Variants in MAPT observed in about 807,000 individuals in gnomAD.
MAPT encodes the protein microtubule associated protein tau.
In MAPT, 34 loss-of-function variants were observed where a neutral mutation model predicts 67.9. The ratio of observed to expected loss-of-function variants is 0.50; its 90% CI spans 0.38 to 0.67. The LOEUF (loss-of-function observed/expected upper bound fraction) is 0.67, where lower values mean the gene tolerates loss of function less well. Among genes scored for constraint, MAPT ranks in the 30% least tolerant of loss-of-function variants. MAPT has a pLI of 0.00. For synonymous variants in MAPT, 456 were observed against 464.5 expected (o/e 0.98, Z 0.23); for missense variants, 881 against 1,115.2 (o/e 0.79, Z 2.99).
intron 2 of MAPT, among the ~76,000 whole-genome samples, chr17:45,966,503 C>G (rs2071095561): frequency 6.6e-6 from 1 of 152,084 alleles, no homozygotes. Context: ...GTGGGAGAAT[C>G]ATCTGAGCCC....
Position 45,958,378 on chromosome 17 carries a change from C to T in MAPT, c.-17-3943C>T, listed in dbSNP as rs567409025. The stretch of plus-strand genomic sequence containing the variant: ...TTAATGTTATTCATAAATTAAGAGC[C>T]CACACAAGTCATTAGAATAAGCACT... On this transcript the variant is annotated intron_variant, in intron 1 of 12. Transcript: ENST00000262410. Among the ~76,000 whole-genome samples the T allele has an allele frequency of 6.6e-5, 10 of 152,182 alleles. No individual in the cohort carries two copies. The South Asian group carries it at 2.1e-3, about 32-fold the overall frequency.
intron 3 of MAPT, 37 bp from the exon 4 acceptor site, chr17:45,978,338 G>T (rs1306562575): frequency 6.5e-7 from 1 of 1,545,576 alleles, no homozygotes; most frequent in Non-Finnish European, 8.9e-7. Context: ...TAACTGTCTT[G>T]CTTTTACCCC....
intron 8 of MAPT, among the ~76,000 whole-genome samples, chr17:45,992,038 G>A (rs1029821731): frequency 5.9e-5 from 9 of 151,828 alleles, no homozygotes; most frequent in Middle Eastern, 3.2e-3. Context: ...CACCTGCCTC[G>A]GCCTCCCAAA....
At chr17:45,908,042 G>C (rs2064452526) in intron 1 of MAPT, 1 of 152,242 alleles carries the variant, frequency 6.6e-6, no homozygotes, top group Non-Finnish European at 1.5e-5. Flanking sequence ...TTAGTGCTAA[G>C]GACTGGAGAA....
intron 11 of MAPT, among the ~76,000 whole-genome samples, chr17:46,016,528 T>C (rs972172516): frequency 2.0e-5 from 3 of 152,274 alleles, no homozygotes; most frequent in Middle Eastern, 3.4e-3. Context: ...TCGCAGCACT[T>C]TGGGAGGCCA....
chr17:45,907,380 G>A (rs997342390), intron 1 of MAPT, among the ~76,000 whole-genome samples: 1 of 152,136 alleles, frequency 6.6e-6, no homozygotes, highest in African/African-American at 2.4e-5. Flanking sequence ...TGGCAGCGCC[G>A]TGCTCCCCAG....
At chr17:45,908,540 CT>C (rs1482934475) in intron 1 of MAPT, among the ~76,000 whole-genome samples, 3 of 152,206 alleles carry the variant, frequency 2.0e-5, no homozygotes, top group African/African-American at 7.2e-5. Flanking sequence ...CCTGATCCCC[CT>C]TCCTCAAAAA....
intron 2 of MAPT, among the ~76,000 whole-genome samples, chr17:45,965,549 A>G (rs140453090): frequency 0.019 from 2,925 of 150,706 alleles, 100 homozygotes; most frequent in African/African-American, 0.067. Context: ...CCAAGTAGCT[A>G]GGATTACAGG....
chr17:45,933,412 G>A (rs1454775332), intron 1 of MAPT, among the ~76,000 whole-genome samples: 2 of 151,116 alleles, frequency 1.3e-5, no homozygotes, highest in African/African-American at 4.9e-5. Flanking sequence ...CTAAGTTTTT[G>A]TATTTTTAGT....
chr17:45,999,660 AG>A, intron 9 of MAPT: 1 of 1,600,832 alleles, frequency 6.2e-7, no homozygotes, highest in African/African-American at 1.3e-5. Context: ...CCTCATGCCA[AG>A]TGTAGAAAGG....
At chr17:45,958,649 A>G (rs2145238269) in intron 1 of MAPT, among the ~76,000 whole-genome samples, 2 of 151,444 alleles carry the variant, frequency 1.3e-5, no homozygotes, top group Admixed American at 1.3e-4. Flanking sequence ...TGAGCCCGGG[A>G]GGTAGAGTCT....
chr17:45,974,021 C>T, intron 3 of MAPT: 1 of 303,214 alleles, frequency 3.3e-6, no homozygotes, highest in South Asian at 3.5e-5. Context: ...ACCCCAGAGT[C>T]CCTGTGCTGT....
intron 2 of MAPT, among the ~76,000 whole-genome samples, chr17:45,962,995 G>C (rs1376193262): frequency 6.6e-6 from 1 of 152,188 alleles, no homozygotes; most frequent in Non-Finnish European, 1.5e-5. Context: ...TGTAGGGACA[G>C]AGATTTTAGG....
Position 46,010,335 on chromosome 17 carries a change from A to C in MAPT, c.2024A>C (p.Asp675Ala). The C allele has an allele frequency of 6.3e-7, 1 of 1,579,444 alleles. No homozygotes were observed. The highest frequency in any genetic ancestry group is 8.6e-7 in the Non-Finnish European group (1 of 1,161,678). Reference protein sequence around the residue: ...GKVQIINKKLDLSNVQSKCGS... With the variant: ...GKVQIINKKLALSNVQSKCGS... Reference sequence around the variant, plus strand: ...GTGCAGATAATTAATAAGAAGCTGGATCTTAGCAACGTCCAGTCCAAGTGT... The same window carrying C: ...GTGCAGATAATTAATAAGAAGCTGGCTCTTAGCAACGTCCAGTCCAAGTGT... The change falls in exon 10 of 13, where the codon GAT (aspartate) becomes GCT (alanine). Residue 675 changes from aspartate to alanine, a missense_variant. By Grantham distance (126) the Asp-to-Ala change is moderately radical. Transcript: ENST00000262410. The surrounding 1 kb of genome is among the most constrained non-coding windows in gnomAD (Gnocchi z 4.7).
chr17:45,947,929 C>G (rs1219466419), intron 1 of MAPT, among the ~76,000 whole-genome samples: 1 of 152,080 alleles, frequency 6.6e-6, no homozygotes, highest in Non-Finnish European at 1.5e-5. Flanking sequence ...AAAAATGGAT[C>G]CCACCCTTCC....
intron 12 of MAPT, among the ~76,000 whole-genome samples, chr17:46,020,684 A>C (rs1326001157): frequency 6.6e-6 from 1 of 152,180 alleles, no homozygotes; most frequent in East Asian, 1.9e-4. Context: ...GAGCTTGTGC[A>C]GGGGAACTCC....
chr17:45,902,112 TCG>T (rs1397403475), intron 1 of MAPT, among the ~76,000 whole-genome samples: 1 of 152,154 alleles, frequency 6.6e-6, no homozygotes, highest in Non-Finnish European at 1.5e-5. Flanking sequence ...TCTCGCTCTA[TCG>T]CCCAGGCTTA....
At chr17:46,008,540 G>A (rs1003943196) in intron 9 of MAPT, among the ~76,000 whole-genome samples, 1 of 152,032 alleles carries the variant, frequency 6.6e-6, no homozygotes, top group Non-Finnish European at 1.5e-5. Flanking sequence ...GTAAGAAAAC[G>A]GTTTTTGCTT....
At chr17:45,969,744 A>T (rs118190448) in intron 2 of MAPT, among the ~76,000 whole-genome samples, 3 of 151,470 alleles carry the variant, frequency 2.0e-5, no homozygotes, top group African/African-American at 4.9e-5. Context: ...ATACATCTGC[A>T]CATCACCAGC....
Sources: gnomAD v4.1 joint callset for allele counts (sites outside exome capture counted in the v4.1 genomes callset) on GRCh38, gnomAD v4.1.1 for gene constraint, Gnocchi (gnomAD v3.1) non-coding constraint, MANE v1.5 for transcripts, NCBI Gene and HGNC (gene_info 2026-07-23, HGNC 2026-07-21) for gene names.